LRRC37A2: variants seen among roughly 807,000 people sequenced by gnomAD.
LRRC37A2 encodes the protein leucine-rich repeat-containing protein 37A2.
In LRRC37A2, 9 loss-of-function variants were observed where a neutral mutation model predicts 68.8. The observed-to-expected ratio is 0.13, with a 90% CI of 0.08 to 0.23. LRRC37A2 has a LOEUF of 0.23. Among genes scored for constraint, LRRC37A2 ranks in the 10% least tolerant of loss-of-function variants. The pLI, the probability that LRRC37A2 is intolerant of heterozygous loss-of-function variation, is 1.00. For synonymous variants in LRRC37A2, 63 were observed against 367.6 expected (o/e 0.17, Z 9.48); for missense variants, 168 against 950.4 (o/e 0.18, Z 10.82).
chr17:46,974,867 CCTT>C, the LRRC37A2 span, among the ~76,000 whole-genome samples: 79 of 152,304 alleles, frequency 5.2e-4, no homozygotes, highest in African/African-American at 1.6e-3. Flanking sequence ...AGCTACAAAA[CCTT>C]CTTCGAGGGA....
chr17:46,733,040 C>T, the LRRC37A2 span, among the ~76,000 whole-genome samples: 1 of 152,204 alleles, frequency 6.6e-6, no homozygotes, highest in African/African-American at 2.4e-5. Flanking sequence ...AGTTCACCCT[C>T]CCTGAGCTGG....
chr17:46,831,884 C>T, the LRRC37A2 span, among the ~76,000 whole-genome samples: 3 of 152,366 alleles, frequency 2.0e-5, no homozygotes, highest in Admixed American at 6.5e-5. Flanking sequence ...TCTGCTTCCC[C>T]GTGATCCCTG....
the LRRC37A2 span, among the ~76,000 whole-genome samples, chr17:46,493,862 C>T: frequency 6.7e-6 from 1 of 148,550 alleles, no homozygotes; most frequent in Admixed American, 6.7e-5. Flanking sequence ...GACAGAGTCT[C>T]GTTCTTTCAC....
At chr17:46,858,368 T>C in the LRRC37A2 span, among the ~76,000 whole-genome samples, 1 of 152,242 alleles carries the variant, frequency 6.6e-6, no homozygotes, top group Non-Finnish European at 1.5e-5. Context: ...GTCCAGTGTA[T>C]CAACCTTTTC....
the LRRC37A2 span, chr17:46,910,022 C>T: frequency 1.2e-3 from 182 of 152,876 alleles, 1 homozygote; most frequent in Middle Eastern, 6.7e-3. Context: ...CTGCAGGGCT[C>T]ACTTGCTGCT....
chr17:46,926,571 A>G, the LRRC37A2 span, among the ~76,000 whole-genome samples: 1 of 152,114 alleles, frequency 6.6e-6, no homozygotes. Context: ...CTTTTTCCTC[A>G]TGTCCACGCT....
chr17:46,728,954 A>G, the LRRC37A2 span: 3 of 1,408,834 alleles, frequency 2.1e-6, no homozygotes, highest in Non-Finnish European at 3.0e-6. Flanking sequence ...TACTACTAAT[A>G]AGGAATATTT....
At chr17:46,394,621 C>A in the LRRC37A2 span, among the ~76,000 whole-genome samples, 1 of 75,576 alleles carries the variant, frequency 1.3e-5, no homozygotes, top group Admixed American at 1.3e-4. Context: ...GATGGTCATA[C>A]TTTTTTTTTT....
the LRRC37A2 span, among the ~76,000 whole-genome samples, chr17:46,765,864 G>A: frequency 1.3e-5 from 2 of 152,230 alleles, no homozygotes; most frequent in Non-Finnish European, 2.9e-5. Flanking sequence ...GTTCACAAAT[G>A]AAGAAGCCAG....
the LRRC37A2 span, chr17:46,755,524 G>C: frequency 1.0e-4 from 76 of 743,204 alleles, no homozygotes; most frequent in Non-Finnish European, 1.1e-4. Flanking sequence ...CAAGGAAGTT[G>C]GTTGTACTGT....
At chr17:46,745,829 A>G in the LRRC37A2 span, among the ~76,000 whole-genome samples, 1 of 152,168 alleles carries the variant, frequency 6.6e-6, no homozygotes, top group South Asian at 2.1e-4. Context: ...ATATAACAGC[A>G]CCACTTTTTG....
the LRRC37A2 span, among the ~76,000 whole-genome samples, chr17:46,860,138 G>C: frequency 6.6e-6 from 1 of 152,296 alleles, no homozygotes; most frequent in East Asian, 1.9e-4. Flanking sequence ...CTCTGGCTGA[G>C]CTGTAACCCC....
the LRRC37A2 span, chr17:46,885,302 G>A: frequency 8.7e-6 from 2 of 230,364 alleles, 1 homozygote; most frequent in South Asian, 8.4e-5. Context: ...CACTGCGCCT[G>A]GCCAGCATTT....
At chr17:46,931,095 A>G in the LRRC37A2 span, 2 of 1,427,726 alleles carry the variant, frequency 1.4e-6, no homozygotes, top group Non-Finnish European at 2.0e-6. Flanking sequence ...TCTTTTTTGT[A>G]CAGTAGTAGA....
At chr17:46,691,482 C>A in the LRRC37A2 span, among the ~76,000 whole-genome samples, 1 of 132,310 alleles carries the variant, frequency 7.6e-6, no homozygotes. Context: ...ACAATCCCAG[C>A]TACTCAGGAA....
At chr17:46,949,435 C>T in the LRRC37A2 span, 1 of 152,136 alleles carries the variant, frequency 6.6e-6, no homozygotes, top group African/African-American at 2.4e-5. Context: ...TTCTGCCATA[C>T]TCCTTTGGCC....
chr17:46,785,481 C>G, the LRRC37A2 span, among the ~76,000 whole-genome samples: 1 of 152,234 alleles, frequency 6.6e-6, no homozygotes. Flanking sequence ...CCTTCCCCTC[C>G]GACAGGAGCC....
the LRRC37A2 span, among the ~76,000 whole-genome samples, chr17:46,896,431 AAAG>A: frequency 9.7e-6 from 1 of 103,066 alleles, no homozygotes; most frequent in African/African-American, 8.0e-5. Context: ...AGAAAGAAAG[AAAG>A]AAAGAAAGAA....
chr17:46,773,530 T>C, the LRRC37A2 span: 2 of 992,868 alleles, frequency 2.0e-6, no homozygotes, highest in South Asian at 1.7e-5. Flanking sequence ...GGTGTGGCAG[T>C]CATGCAACCA....
Sources: allele counts gnomAD v4.1 joint callset (sites outside exome capture counted in the v4.1 genomes callset), GRCh38; gene constraint gnomAD v4.1.1; transcripts MANE v1.5; gene names NCBI Gene and HGNC (gene_info 2026-07-23, HGNC 2026-07-21).